Variants in SPTBN5 observed in about 807,000 individuals in gnomAD.
The protein encoded by SPTBN5 is spectrin beta, non-erythrocytic 5, also known as spectrin beta chain, non-erythrocytic 5.
In SPTBN5, 513 loss-of-function variants were observed where a neutral mutation model predicts 477.6. The ratio of observed to expected loss-of-function variants is 1.07; its 90% CI spans 1.00 to 1.16. SPTBN5 has a LOEUF of 1.16. Among genes scored for constraint, SPTBN5 ranks in the 50% most tolerant of loss-of-function variants. The pLI is 0.00. For missense variants in SPTBN5, 5,062 were observed against 4,731.8 expected (o/e 1.07, Z -2.05); for synonymous variants, 2,169 against 2,011.7 (o/e 1.08, Z -2.09).
intron 47 of SPTBN5, 102 bp downstream of exon 47, chr15:41,860,484 G>T: frequency 8.0e-7 from 1 of 1,250,348 alleles, no homozygotes. Context: ...CAAGGCTGGT[G>T]AGCCTGGGCC....
chr15:41,850,603 C>T, intron 66 of SPTBN5: 1 of 516,528 alleles, frequency 1.9e-6, no homozygotes, highest in South Asian at 2.7e-5. Flanking sequence ...CCAAAAGGGG[C>T]AGAACAGGAC....
In SPTBN5 at chr15:41,856,441, G is replaced by C. The variant is rs571479448; in HGVS notation, c.8966C>G (p.Ala2989Gly). Residue 2989 changes from alanine (A) to glycine (G), a missense_variant, in exon 53 of 68, where the codon GCG becomes GGG. Coordinates refer to ENST00000320955, the MANE Select transcript of SPTBN5 (RefSeq NM_016642.4). ...CTGCTGCAGCAGAAGCCGCCTCCGCGCCGCCTCTGCCCGCAGGTGGGCCAT... is the reference window on the plus strand; with the variant it reads ...CTGCTGCAGCAGAAGCCGCCTCCGCCCCGCCTCTGCCCGCAGGTGGGCCAT... ...KAMAHLRAEAARRRLLLQQAQ... is the reference protein window; with the variant it reads ...KAMAHLRAEAGRRRLLLQQAQ... The C allele has an allele frequency of 6.3e-7, 1 of 1,594,984 alleles. No homozygotes were observed. Among genetic ancestry groups the C allele is most frequent in the Non-Finnish European group, 8.5e-7 (1 of 1,171,274 alleles).
In SPTBN5 at chr15:41,881,048, G is replaced by C. The variant is rs1162454174; in HGVS notation, c.2644C>G (p.Arg882Gly). 6.3e-7 allele frequency: 1 copy of C among 1,588,354 alleles called. No homozygotes were observed. The highest frequency in any genetic ancestry group is 1.8e-5 in the Admixed American group (1 of 55,770). ...AGAAGTGTTACCTGTGCCAGGGCCC[G>C]CAGACTCTCATAGTCCTGACTCAAG... ...DHLSQDYESL[R>G]ALAQLRRARL... The change falls in exon 13 of 68, where the codon CGG becomes GGG. Residue 882 changes from arginine to glycine, a missense_variant. Physicochemically the swap from Arg to Gly is moderately radical, Grantham distance 125. Coordinates refer to ENST00000320955, the MANE Select transcript of SPTBN5 (RefSeq NM_016642.4).
rs754134608 is a variant in SPTBN5 at position 41,881,133 on chromosome 15, G to A, written c.2559C>T (p.Ala853=). ...AGTCAGGGTCAGGCTCAGCTGGGAG[G>A]GCCATCTTCCAGGCATCCCCAGGGC... ...HPGPGDAWKM[A]LPAEPDPDFD... The change falls in exon 13 of 68, where the codon GCC becomes GCT. Residue 853 remains alanine (A), a synonymous_variant. Coordinates refer to ENST00000320955, the MANE Select transcript of SPTBN5 (RefSeq NM_016642.4). 6.2e-7 allele frequency: 1 copy of A among 1,613,644 alleles called. No homozygotes were observed. The highest frequency in any genetic ancestry group is 8.5e-7 in the Non-Finnish European group (1 of 1,179,802).
rs781722368 is a variant in SPTBN5 at position 41,882,168 on chromosome 15, G to C, written c.2248-23C>G. 16 of 1,548,760 alleles carry C rather than the reference G, an allele frequency of 1.0e-5. No homozygotes were observed. The East Asian group carries it at 3.1e-4, about 30-fold the overall frequency. On this transcript the variant is annotated intron_variant, in intron 11 of 67. Coordinates refer to ENST00000320955, the MANE Select transcript of SPTBN5 (RefSeq NM_016642.4). ...GTACTGTGGGAGGGGGTCGGGGGTG[G>C]TGTGGGTGAAGGGGCGCGGCTGAGC...
At position 41,881,946 on chromosome 15, in the gene SPTBN5, G is replaced by T; in HGVS notation, c.2447C>A (p.Ser816Ter). 1 of 1,528,748 alleles carries T rather than the reference G, an allele frequency of 6.5e-7. No homozygotes were observed. Among genetic ancestry groups the T allele is most frequent in the South Asian group, 1.2e-5 (1 of 83,586 alleles). The allele number at this position is 1,528,748 out of a possible 1,614,324, so 94.7% of individuals were successfully genotyped here. ...EQGRAASARASLFTVNSALSP... is the reference protein window; with the variant it reads ...EQGRAASARA ...TGTCCCCGTCCTCACCGTGAATAAC[G>T]ACGCCCGGGCCGAGGCCGCCCGCCC... Residue 816 changes from serine (S) to a stop codon, truncating the protein, a stop_gained, in exon 12 of 68, where the codon TCG (serine) becomes TAG (stop). Coordinates refer to ENST00000320955, the MANE Select transcript of SPTBN5 (RefSeq NM_016642.4). LOFTEE classifies it high-confidence loss of function.
rs1468398376 is a variant in SPTBN5 at position 41,874,827 on chromosome 15, G to A, written c.4502+15C>T. On this transcript the variant is annotated intron_variant, in intron 23 of 67. Transcript: ENST00000320955. The stretch of plus-strand genomic sequence containing the variant: ...GGAGGAGTGACACACAGGTGGGTGG[G>A]AGGACAGACCCCACCTCCGGAGGTG... 1 of 1,595,818 alleles carries A rather than the reference G, an allele frequency of 6.3e-7. No individual in the cohort carries two copies. Among genetic ancestry groups the A allele is most frequent in the East Asian group, 2.3e-5 (1 of 44,436 alleles).
chr15:41,862,022 T>C lies in SPTBN5; in HGVS notation c.7549-99A>G, dbSNP rs939704899. Reference sequence around the variant, plus strand: ...CTGAGGAGCGGGAGGCTGGAGGAGATAGGCAGGGCGGGACACTCAGGAGGC... The same window carrying C: ...CTGAGGAGCGGGAGGCTGGAGGAGACAGGCAGGGCGGGACACTCAGGAGGC... On this transcript the variant is annotated intron_variant, in intron 44 of 67. Coordinates refer to ENST00000320955, the MANE Select transcript of SPTBN5 (RefSeq NM_016642.4). 4.6e-5 allele frequency: 70 copies of C among 1,518,560 alleles called. No individual in the cohort carries two copies. In the East Asian group the frequency reaches 1.0e-3, roughly 22 times the overall value. 94.1% of individuals were successfully genotyped at this position (1,518,560 alleles called of 1,614,324 possible).
chr15:41,855,017 A>T (rs750974715), intron 55 of SPTBN5, 41 bp from the exon 56 acceptor site: 1 of 1,502,192 alleles, frequency 6.7e-7, no homozygotes, highest in African/African-American at 1.4e-5. Flanking sequence ...TTGAGATGGT[A>T]TCATGAGCTC....
intron 18 of SPTBN5, 60 bp from the exon 19 acceptor site, chr15:41,877,008 C>G (rs548617717): frequency 1.3e-6 from 2 of 1,583,130 alleles, no homozygotes; most frequent in Non-Finnish European, 1.7e-6. Flanking sequence ...CCATCTCACC[C>G]GCCACTGCCC....
At chr15:41,892,696 G>A in intron 3 of SPTBN5, 198 bp downstream of exon 3, 1 of 565,312 alleles carries the variant, frequency 1.8e-6, no homozygotes, top group South Asian at 2.8e-5. Context: ...ATGGCCAGCT[G>A]GGTGCTCTCC....
chr15:41,893,439 C>T lies in SPTBN5; in HGVS notation c.59G>A (p.Arg20Lys). 1.2e-6 allele frequency: 2 copies of T among 1,611,668 alleles called. No individual in the cohort carries two copies. The highest frequency in any genetic ancestry group is 1.1e-5 in the South Asian group (1 of 90,922). The change falls in exon 2 of 68, where the codon AGG (arginine) becomes AAG (lysine). Residue 20 changes from arginine to lysine, a missense_variant. Physicochemically the swap from Arg to Lys is conservative, Grantham distance 26. Transcript: ENST00000320955. ...GACCCGGAGTTCTGTGCTGGGCCTC[C>T]TGCTGCGGTGCCCTGCAGCCCCGAG... is the stretch of plus-strand genomic sequence containing the variant. The part of the protein sequence containing the change: ...ELLGAAGHRS[R>K]RPSTELRVPP...
chr15:41,857,834 G>A, intron 49 of SPTBN5, 124 bp from the exon 50 acceptor site: 3 of 1,212,078 alleles, frequency 2.5e-6, no homozygotes, highest in South Asian at 1.6e-5. Flanking sequence ...ATGATCTTGA[G>A]CAACTTTCTT....
chr15:41,851,814 C>A lies in SPTBN5; in HGVS notation c.10621G>T (p.Glu3541Ter), dbSNP rs1341435975. The change falls in exon 63 of 68, where the codon GAG becomes TAG. Residue 3541 changes from glutamate to a stop codon, truncating the protein, a stop_gained. Coordinates refer to ENST00000320955, the MANE Select transcript of SPTBN5 (RefSeq NM_016642.4). LOFTEE classifies it high-confidence loss of function. ...CCAGGCAGCAGGTGCTGCTTGAACT[C>A]CAAAGACCCCTCCATGGTGGGGGTA... is the stretch of plus-strand genomic sequence containing the variant. The part of the protein sequence containing the change: ...KGTPTMEGSL[E>*]FKQHLLPGGR... 6.2e-7 allele frequency: 1 copy of A among 1,610,828 alleles called. No homozygotes were observed. The highest frequency in any genetic ancestry group is 1.3e-5 in the African/African-American group (1 of 74,830).
At chr15:41,875,416 C>A (rs780357016) in intron 22 of SPTBN5, 42 bp downstream of exon 22, 5 of 1,590,178 alleles carry the variant, frequency 3.1e-6, no homozygotes, top group Non-Finnish European at 3.4e-6. Flanking sequence ...CCCAGCCAGG[C>A]CTCCGTCTCC....
In SPTBN5 at chr15:41,867,111, C is replaced by T. The variant is rs61745978; in HGVS notation, c.6328G>A (p.Glu2110Lys). The T allele has an allele frequency of 5.8e-4, 885 of 1,537,198 alleles. 11 individuals carry two copies. In the African/African-American group the frequency reaches 1.0e-2, roughly 17 times the overall value. The change falls in exon 36 of 68, where the codon GAG becomes AAG. Residue 2110 changes from glutamate (E) to lysine (K), a missense_variant. Transcript: ENST00000320955. ...GGGCGCCGGAGCGTCTTCAGCCGCT[C>T]ACGCAGGGCTGCCTCCTGTGGGGCA... ...AQDKKEAALR[E>K]RLKTLRRPRV... is the part of the protein sequence containing the mutation.
chr15:41,858,604 G>A lies in SPTBN5; in HGVS notation c.8224C>T (p.Arg2742Trp), dbSNP rs555878903. 20 of 1,609,942 alleles carry A rather than the reference G, an allele frequency of 1.2e-5. No homozygotes were observed. The highest frequency in any genetic ancestry group is 6.7e-5 in the Admixed American group (4 of 59,774). Residue 2742 changes from arginine to tryptophan, a missense_variant and splice_region_variant, in exon 49 of 68, where the codon CGG (arginine) becomes TGG (tryptophan). By Grantham distance (101) the Arg-to-Trp change is moderately radical. Coordinates refer to ENST00000320955, the MANE Select transcript of SPTBN5 (RefSeq NM_016642.4). Reference sequence around the variant, plus strand: ...CCCTCCTGCCTGCAGGGCCTCACCCGCTGCAGCTCCTGCTGTTGGTGCATG... The same window carrying A: ...CCCTCCTGCCTGCAGGGCCTCACCCACTGCAGCTCCTGCTGTTGGTGCATG... Reference protein sequence around the residue: ...ASMHQQQELQREGQRLLQGGH... With the variant: ...ASMHQQQELQWEGQRLLQGGH...
intron 47 of SPTBN5, among the ~76,000 whole-genome samples, chr15:41,860,340 T>C (rs1458865577): frequency 6.6e-6 from 1 of 152,256 alleles, no homozygotes; most frequent in Non-Finnish European, 1.5e-5. Context: ...AGCCTCTCTT[T>C]AAACTCCCTT....
intron 25 of SPTBN5, 86 bp downstream of exon 25, chr15:41,873,759 T>A: frequency 6.4e-7 from 1 of 1,557,284 alleles, no homozygotes; most frequent in Non-Finnish European, 8.7e-7. Context: ...CCACCACTGA[T>A]CCGCCTCCCT....
Sources: allele counts gnomAD v4.1 joint callset (sites outside exome capture counted in the v4.1 genomes callset), GRCh38; gene constraint gnomAD v4.1.1; transcripts MANE v1.5; gene names NCBI Gene and HGNC (gene_info 2026-07-23, HGNC 2026-07-21).